AGBL1: variants seen among roughly 807,000 people sequenced by gnomAD.
AGBL1 encodes the protein AGBL carboxypeptidase 1.
Under a neutral mutation model 118.9 loss-of-function variants are expected in AGBL1, and 130 were observed. That is an observed-to-expected ratio of 1.09 (90% CI 0.95 to 1.26). The LOEUF (loss-of-function observed/expected upper bound fraction) is 1.26, where lower values mean the gene tolerates loss of function less well. Among genes scored for constraint, AGBL1 ranks in the 50% most tolerant of loss-of-function variants. The probability of loss-of-function intolerance (pLI) is 0.00; values close to 1 mark genes in which losing one functional copy is unlikely to be tolerated. For synonymous variants in AGBL1, 555 were observed against 478.9 expected (o/e 1.16, Z -2.08); for missense variants, 1,584 against 1,298.1 (o/e 1.22, Z -3.38).
Position 86,909,038 on chromosome 15 carries a change from A to C in AGBL1, c.*1744A>C, listed in dbSNP as rs79532033. Reference sequence around the variant, plus strand: ...CTTGGTCTAGAATGGCTGCTGAAGCATCAGTCACTGCATCTGCATCCCAGG... The same window carrying C: ...CTTGGTCTAGAATGGCTGCTGAAGCCTCAGTCACTGCATCTGCATCCCAGG... On this transcript the variant is annotated 3_prime_UTR_variant, in exon 23 of 23. Transcript: ENST00000614907. 0.053 allele frequency: 8,005 copies of C among 152,292 alleles called. 323 individuals carry two copies. The highest frequency in any genetic ancestry group is 0.19 in the East Asian group (992 of 5,164). 9.4% of individuals were successfully genotyped at this position (152,292 alleles called of 1,614,324 possible). A position where few individuals can be genotyped will look rare whatever the true frequency, so the allele number is the denominator to read the frequency against.
At chr15:86,935,708 C>A (rs1026333522) in intron 23 of AGBL1, among the ~76,000 whole-genome samples, 1 of 152,140 alleles carries the variant, frequency 6.6e-6, no homozygotes, top group African/African-American at 2.4e-5. Context: ...AGTGTCAAGT[C>A]TGACTAAAAA....
At chr15:86,429,403 T>G (rs2081907136) in intron 18 of AGBL1, among the ~76,000 whole-genome samples, 1 of 152,164 alleles carries the variant, frequency 6.6e-6, no homozygotes. Context: ...TAGAAAAGAA[T>G]AAGAAAGCTG....
intron 18 of AGBL1, among the ~76,000 whole-genome samples, chr15:86,512,312 G>A (rs967360212): frequency 6.6e-6 from 1 of 151,828 alleles, no homozygotes; most frequent in African/African-American, 2.4e-5. Flanking sequence ...CAAGGCTTAT[G>A]GGGAATGATA....
At chr15:86,331,375 T>C (rs541168408) in intron 17 of AGBL1, among the ~76,000 whole-genome samples, 41 of 149,262 alleles carry the variant, frequency 2.7e-4, no homozygotes, top group Non-Finnish European at 4.7e-4. Context: ...CTGGAAAACA[T>C]ACTTGAGGGA....
intron 21 of AGBL1, among the ~76,000 whole-genome samples, chr15:86,627,127 A>G (rs1007404062): frequency 6.6e-6 from 1 of 151,960 alleles, no homozygotes; most frequent in African/African-American, 2.4e-5. Flanking sequence ...CAGCCTCCTG[A>G]GTAGCTGGGA....
At chr15:86,162,573 C>T (rs773553658) in intron 5 of AGBL1, among the ~76,000 whole-genome samples, 16 of 152,192 alleles carry the variant, frequency 1.1e-4, no homozygotes, top group Non-Finnish European at 1.6e-4. Flanking sequence ...CCTCCACTTC[C>T]CAAATACCCA....
intron 18 of AGBL1, among the ~76,000 whole-genome samples, chr15:86,481,131 CAAAAAA>C (rs61161857): frequency 3.7e-5 from 5 of 133,692 alleles, no homozygotes; most frequent in African/African-American, 5.2e-5. Context: ...ACAATGAGAG[CAAAAAA>C]AAAAAAAAAA....
intron 16 of AGBL1, among the ~76,000 whole-genome samples, chr15:86,283,748 G>T (rs929518925): frequency 7.2e-5 from 11 of 152,040 alleles, no homozygotes; most frequent in Non-Finnish European, 1.6e-4. Flanking sequence ...CCCCAATAAA[G>T]GTTCTTGATG....
chr15:86,779,941 A>ACC (rs1555449328), intron 22 of AGBL1, among the ~76,000 whole-genome samples: 3 of 151,648 alleles, frequency 2.0e-5, no homozygotes, highest in African/African-American at 7.3e-5. Flanking sequence ...ACACACACAC[A>ACC]CCCCTACACT....
At chr15:86,742,793 A>G (rs1377099) in intron 22 of AGBL1, among the ~76,000 whole-genome samples, 127,142 of 152,114 alleles carry the variant, frequency 0.84, 53,346 homozygotes, top group East Asian at 0.94. Flanking sequence ...CAGAATAAAC[A>G]GTCCCTGCTG....
At chr15:86,333,869 G>A (rs1343594439) in intron 17 of AGBL1, among the ~76,000 whole-genome samples, 1 of 152,180 alleles carries the variant, frequency 6.6e-6, no homozygotes, top group Non-Finnish European at 1.5e-5. Flanking sequence ...GAGAAGCAAG[G>A]TTGGTTCAAC....
chr15:86,736,483 G>C (rs2077601264), intron 22 of AGBL1, among the ~76,000 whole-genome samples: 1 of 152,046 alleles, frequency 6.6e-6, no homozygotes, highest in Non-Finnish European at 1.5e-5. Context: ...TTTATGAGTG[G>C]GCTCCATGAT....
At chr15:86,998,067 A>ATCCCAATCT (rs1370480134) in intron 24 of AGBL1, among the ~76,000 whole-genome samples, 2 of 152,166 alleles carry the variant, frequency 1.3e-5, no homozygotes, top group African/African-American at 4.8e-5. Flanking sequence ...TTAGGAACAC[A>ATCCCAATCT]TAGGATTGGG....
At chr15:86,153,909 T>G (rs962128734) in intron 3 of AGBL1, among the ~76,000 whole-genome samples, 2 of 152,170 alleles carry the variant, frequency 1.3e-5, no homozygotes, top group African/African-American at 4.8e-5. Context: ...AAAAGAGACA[T>G]TTCCCTACAT....
At chr15:86,249,796 A>C (rs1236161803) in intron 7 of AGBL1, among the ~76,000 whole-genome samples, 1 of 152,274 alleles carries the variant, frequency 6.6e-6, no homozygotes, top group African/African-American at 2.4e-5. Context: ...CAATAAAGGA[A>C]GAAGACAGTA....
At chr15:86,964,858 A>G (rs2081033454) in intron 23 of AGBL1, among the ~76,000 whole-genome samples, 1 of 151,202 alleles carries the variant, frequency 6.6e-6, no homozygotes, top group African/African-American at 2.4e-5. Context: ...TTCAACTCCC[A>G]CTTATGAGTG....
chr15:86,413,489 A>G (rs1005743068), intron 18 of AGBL1, among the ~76,000 whole-genome samples: 17 of 152,116 alleles, frequency 1.1e-4, no homozygotes, highest in African/African-American at 3.9e-4. Context: ...ATTCCTATCA[A>G]CAGTCTATAA....
chr15:86,762,443 A>T (rs1439247056), intron 22 of AGBL1, among the ~76,000 whole-genome samples: 1 of 152,044 alleles, frequency 6.6e-6, no homozygotes, highest in Admixed American at 6.6e-5. Context: ...AATGTGAAAT[A>T]GTAAAGAGTC....
At chr15:86,183,740 G>A (rs953069729) in intron 5 of AGBL1, among the ~76,000 whole-genome samples, 3 of 152,062 alleles carry the variant, frequency 2.0e-5, no homozygotes, top group Non-Finnish European at 4.4e-5. Flanking sequence ...CATTTTATGT[G>A]GTGTTTCAGG....
Sources: gnomAD v4.1 joint callset for allele counts (sites outside exome capture counted in the v4.1 genomes callset) on GRCh38, gnomAD v4.1.1 for gene constraint, MANE v1.5 for transcripts, NCBI Gene and HGNC (gene_info 2026-07-23, HGNC 2026-07-21) for gene names.